GRIP1: variants seen among roughly 807,000 people sequenced by gnomAD.
GRIP1 encodes the protein glutamate receptor interacting protein 1.
In GRIP1, 45 loss-of-function variants were observed where a neutral mutation model predicts 129.9. The observed-to-expected ratio is 0.35, with a 90% CI of 0.27 to 0.44. GRIP1 has a LOEUF of 0.44. Among genes scored for constraint, GRIP1 ranks in the 20% least tolerant of loss-of-function variants. The pLI, the probability that GRIP1 is intolerant of heterozygous loss-of-function variation, is 1.00. For synonymous variants in GRIP1, 530 were observed against 520.8 expected, an observed-to-expected ratio of 1.02 and a Z score of -0.24; for missense variants, 1,196 against 1,396.8, an observed-to-expected ratio of 0.86 and a Z score of 2.29.
At chr12:66,440,462 T>C (rs1322716126) in intron 13 of GRIP1, among the ~76,000 whole-genome samples, 1 of 152,174 alleles carries the variant, frequency 6.6e-6, no homozygotes, top group African/African-American at 2.4e-5. Context: ...CCCACTATCA[T>C]CACTACTCTT....
At chr12:67,064,077 T>G (rs534404501) in intron 1 of GRIP1, among the ~76,000 whole-genome samples, 2 of 152,370 alleles carry the variant, frequency 1.3e-5, no homozygotes, top group South Asian at 4.1e-4. Flanking sequence ...TTCACTTAAA[T>G]GAGTTACTTA....
intron 1 of GRIP1, among the ~76,000 whole-genome samples, chr12:66,742,501 C>T (rs937417693): frequency 6.6e-6 from 1 of 152,064 alleles, no homozygotes; most frequent in Non-Finnish European, 1.5e-5. Context: ...GTAAAAACAA[C>T]AACAGCACTT....
intron 1 of GRIP1, among the ~76,000 whole-genome samples, chr12:66,895,703 A>C (rs1349636275): frequency 2.6e-5 from 4 of 152,160 alleles, no homozygotes; most frequent in African/African-American, 4.8e-5. Flanking sequence ...CTGGCCGCAG[A>C]CCCACCACTA....
At chr12:66,854,742 G>C (rs1291275659) in intron 1 of GRIP1, among the ~76,000 whole-genome samples, 1 of 151,956 alleles carries the variant, frequency 6.6e-6, no homozygotes, top group Non-Finnish European at 1.5e-5. Flanking sequence ...AATCCAAAAT[G>C]AAACGTAAAC....
intron 2 of GRIP1, among the ~76,000 whole-genome samples, chr12:66,584,434 G>A (rs1199967993): frequency 4.6e-5 from 7 of 152,100 alleles, no homozygotes; most frequent in South Asian, 2.1e-4. Context: ...TTAGCCAGGC[G>A]TGGTGGCACA....
At chr12:66,923,190 A>C (rs1486494087) in intron 1 of GRIP1, among the ~76,000 whole-genome samples, 2 of 152,114 alleles carry the variant, frequency 1.3e-5, no homozygotes, top group African/African-American at 4.8e-5. Context: ...TTTTTAAAAA[A>C]CTTGTCTTAG....
chr12:66,531,778 A>G (rs1261683370), intron 4 of GRIP1, among the ~76,000 whole-genome samples: 1 of 152,170 alleles, frequency 6.6e-6, no homozygotes, highest in African/African-American at 2.4e-5. Flanking sequence ...CACTTGAAGA[A>G]ATTGGTTAAG....
intron 1 of GRIP1, among the ~76,000 whole-genome samples, chr12:66,727,777 A>G (rs2036302218): frequency 6.6e-6 from 1 of 152,230 alleles, no homozygotes; most frequent in Non-Finnish European, 1.5e-5. Flanking sequence ...TAGACCTATG[A>G]GGATCTATTA....
intron 2 of GRIP1, among the ~76,000 whole-genome samples, chr12:66,582,944 G>A (rs1238894546): frequency 2.8e-4 from 42 of 149,234 alleles, no homozygotes; most frequent in East Asian, 9.8e-4. Context: ...AGCCCGCATC[G>A]CCAAGTCAAT....
At chr12:66,452,106 G>A (rs2058824822) in intron 11 of GRIP1, among the ~76,000 whole-genome samples, 1 of 152,214 alleles carries the variant, frequency 6.6e-6, no homozygotes, top group Non-Finnish European at 1.5e-5. Flanking sequence ...AGACTGGGAA[G>A]AGACGGAGTC....
intron 1 of GRIP1, among the ~76,000 whole-genome samples, chr12:66,928,966 C>T (rs2137394731): frequency 6.6e-6 from 1 of 152,316 alleles, no homozygotes; most frequent in South Asian, 2.1e-4. Flanking sequence ...CCATTACCCT[C>T]ATGTCATGGA....
At chr12:66,794,269 T>C (rs1295653236) in intron 1 of GRIP1, among the ~76,000 whole-genome samples, 1 of 152,174 alleles carries the variant, frequency 6.6e-6, no homozygotes, top group East Asian at 1.9e-4. Flanking sequence ...ATGAGATAGG[T>C]TTCTGTGGGT....
intron 19 of GRIP1, among the ~76,000 whole-genome samples, chr12:66,387,303 T>G (rs527796428): frequency 2.8e-4 from 42 of 152,282 alleles, no homozygotes; most frequent in African/African-American, 9.1e-4. Flanking sequence ...AAGGGAGCAA[T>G]TGCTCAATGA....
chr12:66,783,849 G>A lies in GRIP1; in HGVS notation c.-420+20204C>T, dbSNP rs141070811. On this transcript the variant is annotated intron_variant, in intron 1 of 4. Transcript: ENST00000538373. ...TTATATTTGGCAAAAGACAGCTTGC[G>A]TTAAGATTTGATTTTCCTCACATTC... is the stretch of plus-strand genomic sequence containing the variant. Among the ~76,000 whole-genome samples, 780 of 152,166 alleles carry A rather than the reference G, an allele frequency of 5.1e-3. 5 individuals carry two copies. The highest frequency in any genetic ancestry group is 9.4e-3 in the Non-Finnish European group (642 of 67,982).
At chr12:66,644,908 T>A (rs1316370834) in intron 1 of GRIP1, among the ~76,000 whole-genome samples, 2 of 152,222 alleles carry the variant, frequency 1.3e-5, no homozygotes, top group African/African-American at 4.8e-5. Flanking sequence ...AATTTTTCAA[T>A]ACTCTTGTTT....
At chr12:66,420,864 A>C in intron 14 of GRIP1, 75 bp from the exon 15 acceptor site, 2 of 859,526 alleles carry the variant, frequency 2.3e-6, no homozygotes, top group Non-Finnish European at 2.0e-6. Flanking sequence ...CCCCTGTTTT[A>C]TAATAACTTA....
At chr12:66,789,816 CTGAA>C (rs2038471942) in intron 1 of GRIP1, among the ~76,000 whole-genome samples, 2 of 152,032 alleles carry the variant, frequency 1.3e-5, no homozygotes, top group African/African-American at 2.4e-5. Flanking sequence ...TACAGAAAAA[CTGAA>C]TGAAAATTAC....
chr12:66,616,399 A>T (rs2065039945), intron 1 of GRIP1, among the ~76,000 whole-genome samples: 1 of 152,230 alleles, frequency 6.6e-6, no homozygotes, highest in South Asian at 2.1e-4. Context: ...GTCTTAGTGC[A>T]CTAGAGCCTC....
chr12:66,471,921 A>G (rs12366841), intron 7 of GRIP1, among the ~76,000 whole-genome samples: 16,601 of 152,214 alleles, frequency 0.11, 1,220 homozygotes, highest in Admixed American at 0.21. Context: ...AACAGACTGA[A>G]TATCTCTTGG....
Sources: gnomAD v4.1 joint callset for allele counts (sites outside exome capture counted in the v4.1 genomes callset) on GRCh38, gnomAD v4.1.1 for gene constraint, MANE v1.5 for transcripts, NCBI Gene and HGNC (gene_info 2026-07-23, HGNC 2026-07-21) for gene names.